SRBD1: variants seen among roughly 807,000 people sequenced by gnomAD.
SRBD1 encodes the protein S1 RNA-binding domain-containing protein 1.
A neutral mutation model predicts 115.3 loss-of-function variants in SRBD1; 88 were observed. The observed-to-expected ratio is 0.76, with a 90% confidence interval of 0.64 to 0.91. The LOEUF is 0.91. Among genes scored for constraint, SRBD1 ranks in the 40% least tolerant of loss-of-function variants. SRBD1 has a pLI of 0.00. For missense variants in SRBD1, 1,385 were observed against 1,177.4 expected (o/e 1.18, Z -2.58); for synonymous variants, 509 against 407.7 (o/e 1.25, Z -2.99).
intron 19 of SRBD1, among the ~76,000 whole-genome samples, chr2:45,409,346 A>G (rs1667528629): frequency 6.6e-6 from 1 of 152,124 alleles, no homozygotes; most frequent in Non-Finnish European, 1.5e-5. Context: ...ATCCCTGTGC[A>G]CATATGCACC....
intron 16 of SRBD1, among the ~76,000 whole-genome samples, chr2:45,445,418 G>C (rs1006186233): frequency 2.0e-5 from 3 of 151,178 alleles, no homozygotes; most frequent in Admixed American, 1.3e-4. Flanking sequence ...ATCTTGGGGG[G>C]AGTCACATGG....
At chr2:45,509,549 T>C (rs1036943627) in intron 14 of SRBD1, among the ~76,000 whole-genome samples, 3 of 127,158 alleles carry the variant, frequency 2.4e-5, no homozygotes, top group South Asian at 2.6e-4. Flanking sequence ...TGAGCAGAGA[T>C]TGCACCACTG....
chr2:45,533,645 A>C (rs969959896), intron 14 of SRBD1, among the ~76,000 whole-genome samples: 1 of 152,002 alleles, frequency 6.6e-6, no homozygotes, highest in Admixed American at 6.6e-5. Flanking sequence ...GGAGTGTAAA[A>C]CTGTACATAC....
intron 16 of SRBD1, 78 bp downstream of exon 16, chr2:45,476,915 C>T (rs1235874417): frequency 1.6e-5 from 21 of 1,345,500 alleles, no homozygotes; most frequent in Non-Finnish European, 2.2e-5. Flanking sequence ...CCCACAGACA[C>T]TTAATTACTA....
chr2:45,388,937 C>G lies in SRBD1; in HGVS notation c.*373G>C, dbSNP rs576686261. The G allele has an allele frequency of 5.3e-6, 1 of 186,922 alleles. No individual in the cohort carries two copies. The highest frequency in any genetic ancestry group is 5.4e-5 in the Admixed American group (1 of 18,476). 11.6% of individuals were successfully genotyped at this position (186,922 alleles called of 1,614,324 possible). A position where few individuals can be genotyped will look rare whatever the true frequency, so the allele number is the denominator to read the frequency against. ...TCAACAAAGACGGTACAATTCAAAT[C>G]AAGAAGACAATCCCATACAAGTCCA... On this transcript the variant is annotated 3_prime_UTR_variant, in exon 21 of 21. Coordinates refer to ENST00000263736, the MANE Select transcript of SRBD1 (RefSeq NM_018079.5).
In SRBD1 at chr2:45,418,002, T is replaced by C. The variant is rs1667882193; in HGVS notation, c.2333+363A>G. Among the ~76,000 whole-genome samples, 3 of 152,360 alleles carry C rather than the reference T, an allele frequency of 2.0e-5. No individual in the cohort carries two copies. In the South Asian group the frequency reaches 6.2e-4, roughly 32 times the overall value. On this transcript the variant is annotated intron_variant, in intron 18 of 20. Transcript: ENST00000263736. The stretch of plus-strand genomic sequence containing the variant: ...CCTTGGATGGCATTTCATTCAAAAC[T>C]CTGCTCAAATAAGTTTTCAAAAAAT...
intron 16 of SRBD1, among the ~76,000 whole-genome samples, chr2:45,458,855 G>C (rs1669228207): frequency 6.6e-6 from 1 of 152,080 alleles, no homozygotes. Flanking sequence ...GACTACAGGG[G>C]AATCACTAAT....
intron 19 of SRBD1, among the ~76,000 whole-genome samples, chr2:45,410,562 C>T (rs1015853127): frequency 6.6e-6 from 1 of 152,170 alleles, no homozygotes; most frequent in Non-Finnish European, 1.5e-5. Flanking sequence ...TTGGAATCTC[C>T]AGAGTGATAG....
intron 9 of SRBD1, among the ~76,000 whole-genome samples, chr2:45,566,491 T>C (rs749444377): frequency 6.6e-6 from 1 of 152,214 alleles, no homozygotes; most frequent in Non-Finnish European, 1.5e-5. Flanking sequence ...TTATATGAAA[T>C]GACCAGAACA....
intron 9 of SRBD1, among the ~76,000 whole-genome samples, chr2:45,571,094 G>A (rs1419626846): frequency 1.3e-5 from 2 of 152,030 alleles, no homozygotes; most frequent in African/African-American, 4.8e-5. Context: ...AGATCTGAGG[G>A]AACCTTAAGC....
At chr2:45,518,635 C>A (rs1671191172) in intron 14 of SRBD1, among the ~76,000 whole-genome samples, 1 of 152,116 alleles carries the variant, frequency 6.6e-6, no homozygotes, top group Non-Finnish European at 1.5e-5. Flanking sequence ...ATGTTTGGTG[C>A]CTTTGTAAGA....
chr2:45,401,969 A>AG (rs1165046814), intron 19 of SRBD1, among the ~76,000 whole-genome samples: 2 of 152,200 alleles, frequency 1.3e-5, no homozygotes, highest in African/African-American at 2.4e-5. Context: ...GCAATTCTCA[A>AG]GGAGCAGTTC....
intron 14 of SRBD1, among the ~76,000 whole-genome samples, chr2:45,491,868 C>T (rs1389906462): frequency 6.6e-6 from 1 of 152,144 alleles, no homozygotes; most frequent in Admixed American, 6.5e-5. Context: ...GTCGCCCAGG[C>T]TGGAATGCAA....
Position 45,392,947 on chromosome 2 carries a change from G to A in SRBD1, c.2696C>T (p.Thr899Ile), listed in dbSNP as rs575609444. 1 of 1,601,982 alleles carries A rather than the reference G, an allele frequency of 6.2e-7. No homozygotes were observed. The highest frequency in any genetic ancestry group is 2.2e-5 in the East Asian group (1 of 44,576). The part of the protein sequence containing the change: ...LSQPESFDFR[T>I]DFDKPDFKRS... Reference sequence around the variant, plus strand: ...ATAATTCAAGTTCAACTGTTTACCTGTTCGAAAGTCAAAGCTTTCAGGCTG... The same window carrying A: ...ATAATTCAAGTTCAACTGTTTACCTATTCGAAAGTCAAAGCTTTCAGGCTG... The change falls in exon 20 of 21, where the codon ACA becomes ATA. Residue 899 changes from threonine (T) to isoleucine (I), a missense_variant and splice_region_variant. Thr to Ile is a moderately conservative substitution (Grantham distance 89). Transcript: ENST00000263736.
chr2:45,519,767 G>C (rs1671225582), intron 14 of SRBD1, among the ~76,000 whole-genome samples: 1 of 152,124 alleles, frequency 6.6e-6, no homozygotes, highest in Admixed American at 6.6e-5. Context: ...GACTTTCAGA[G>C]AAGGTGGCAT....
intron 16 of SRBD1, among the ~76,000 whole-genome samples, chr2:45,423,039 A>G (rs1668052392): frequency 6.6e-6 from 1 of 152,248 alleles, no homozygotes; most frequent in South Asian, 2.1e-4. Flanking sequence ...CACATTTTAT[A>G]TAGAAAATAA....
At chr2:45,397,324 T>C (rs532120650) in intron 19 of SRBD1, among the ~76,000 whole-genome samples, 85 of 152,346 alleles carry the variant, frequency 5.6e-4, no homozygotes, top group African/African-American at 1.9e-3. Context: ...ATAACATATA[T>C]ATGTTACTCT....
Position 45,428,507 on chromosome 2 carries a change from C to T in SRBD1, c.2050-8613G>A, listed in dbSNP as rs554722615. 5.9e-5 allele frequency among the ~76,000 whole-genome samples: 9 copies of T among 152,092 alleles called. No homozygotes were observed. In the East Asian group the frequency reaches 1.5e-3, roughly 26 times the overall value. On this transcript the variant is annotated intron_variant, in intron 16 of 20. Transcript: ENST00000263736. ...CGGAGCTTGCAGTGAGCCGAGACTG[C>T]GCCACTGCACCTCCAGCCTCGGCGA...
Position 45,477,019 on chromosome 2 carries a change from T to C in SRBD1, c.2023A>G (p.Lys675Glu), listed in dbSNP as rs773885479. The C allele has an allele frequency of 1.2e-6, 2 of 1,613,800 alleles. No homozygotes were observed. The highest frequency in any genetic ancestry group is 2.2e-5 in the South Asian group (2 of 91,070). The change falls in exon 16 of 21, where the codon AAG (lysine) becomes GAG (glutamate). Residue 675 changes from lysine to glutamate, a missense_variant. Physicochemically the swap from Lys to Glu is moderately conservative, Grantham distance 56. Transcript: ENST00000263736. ...TGATACATTCCAACTCCAATGTGCT[T>C]TGGCTCAATTTTCACTAGCTCAGCT... Reference protein sequence around the residue: ...PLAELVKIEPKHIGVGMYQHD... With the variant: ...PLAELVKIEPEHIGVGMYQHD...
Sources: allele counts gnomAD v4.1 joint callset (sites outside exome capture counted in the v4.1 genomes callset), GRCh38; gene constraint gnomAD v4.1.1; transcripts MANE v1.5; gene names NCBI Gene and HGNC (gene_info 2026-07-23, HGNC 2026-07-21).